Variants in MEIS1 observed in about 807,000 individuals in gnomAD.
MEIS1 encodes homeobox protein Meis1.
Under a neutral mutation model 50.8 loss-of-function variants are expected in MEIS1, and 5 were observed. The observed-to-expected ratio is 0.10, with a 90% CI of 0.05 to 0.21. The LOEUF (loss-of-function observed/expected upper bound fraction) is 0.21. Among genes scored for constraint, MEIS1 ranks in the 10% least tolerant of loss-of-function variants. MEIS1 has a pLI of 1.00. For missense variants in MEIS1, 318 were observed against 517.3 expected, an observed-to-expected ratio of 0.61 and a Z score of 3.74; for synonymous variants, 176 against 179.3, an observed-to-expected ratio of 0.98 and a Z score of 0.15.
chr2:66,492,220 C>T (rs1434997980), intron 7 of MEIS1, among the ~76,000 whole-genome samples: 1 of 151,716 alleles, frequency 6.6e-6, no homozygotes, highest in Non-Finnish European at 1.5e-5. Context: ...ATGAGACAGA[C>T]AGCTGACCAG....
intron 8 of MEIS1, among the ~76,000 whole-genome samples, chr2:66,536,379 C>G (rs529125030): frequency 6.6e-6 from 1 of 152,246 alleles, no homozygotes; most frequent in South Asian, 2.1e-4. Context: ...AGACAGGAAA[C>G]TGTTAGCTAA....
intron 6 of MEIS1, among the ~76,000 whole-genome samples, chr2:66,447,032 G>A (rs563283378): frequency 2.6e-5 from 4 of 152,370 alleles, no homozygotes; most frequent in African/African-American, 9.6e-5. Flanking sequence ...TTGCAAGGGA[G>A]ATTTAAGCTT....
chr2:66,524,590 T>TA (rs949523654), intron 8 of MEIS1, among the ~76,000 whole-genome samples: 6 of 150,068 alleles, frequency 4.0e-5, no homozygotes, highest in African/African-American at 7.3e-5. Context: ...TTTAAAAAAT[T>TA]AAAAAAAAAG....
At chr2:66,527,570 A>T (rs1250027964) in intron 8 of MEIS1, among the ~76,000 whole-genome samples, 3 of 149,218 alleles carry the variant, frequency 2.0e-5, no homozygotes, top group African/African-American at 5.0e-5. Flanking sequence ...TGGCTCTGAT[A>T]CCTGTATTGC....
Position 66,502,431 on chromosome 2 carries a change from G to T in MEIS1, c.743-9718G>T, listed in dbSNP as rs539529290. ...TACTTATTACTTTACCTAAAATTCT[G>T]CCATTTAAAGATTCACTCATTTGCA... On this transcript the variant is annotated intron_variant, in intron 7 of 12. Coordinates refer to ENST00000272369, the MANE Select transcript of MEIS1 (RefSeq NM_002398.3). Among the ~76,000 whole-genome samples, 6 of 152,252 alleles carry T rather than the reference G, an allele frequency of 3.9e-5. No homozygotes were observed. In the East Asian group the frequency reaches 1.2e-3, roughly 29 times the overall value.
At chr2:66,570,731 A>G (rs1251320463) in intron 12 of MEIS1, 1 of 153,136 alleles carries the variant, frequency 6.5e-6, no homozygotes, top group African/African-American at 2.4e-5. Context: ...AAATCATTAT[A>G]AGGTGGACAG....
At chr2:66,513,921 C>T (rs571561852) in intron 8 of MEIS1, among the ~76,000 whole-genome samples, 3 of 152,088 alleles carry the variant, frequency 2.0e-5, no homozygotes, top group Non-Finnish European at 4.4e-5. Context: ...TCATGAAAAA[C>T]GAATGATATG....
chr2:66,482,551 C>T (rs1189600279), intron 7 of MEIS1, among the ~76,000 whole-genome samples: 1 of 152,154 alleles, frequency 6.6e-6, no homozygotes, highest in East Asian at 1.9e-4. Flanking sequence ...AGAGAGAATA[C>T]AGAATGACAT....
At chr2:66,552,028 G>GACAC (rs71980656) in intron 9 of MEIS1, among the ~76,000 whole-genome samples, 6,195 of 147,236 alleles carry the variant, frequency 0.042, 281 homozygotes, top group African/African-American at 0.12. Flanking sequence ...CTTTATGGAA[G>GACAC]ACACACACAC....
chr2:66,451,086 G>A (rs1672266890), intron 6 of MEIS1, among the ~76,000 whole-genome samples: 1 of 152,074 alleles, frequency 6.6e-6, no homozygotes, highest in African/African-American at 2.4e-5. Flanking sequence ...GGAATGAATA[G>A]AGGCCAAAGT....
chr2:66,532,557 T>A (rs577205585), intron 8 of MEIS1, among the ~76,000 whole-genome samples: 134 of 152,122 alleles, frequency 8.8e-4, no homozygotes, highest in Non-Finnish European at 1.4e-3. Flanking sequence ...CCTGAGAGCA[T>A]CCATTATCAC....
chr2:66,443,127 CCTTTT>C, intron 6 of MEIS1, 79 bp downstream of exon 6: 1 of 1,435,112 alleles, frequency 7.0e-7, no homozygotes. Context: ...ACTACCACCT[CCTTTT>C]ATTATTTGCA....
chr2:66,532,514 T>C (rs188741089), intron 8 of MEIS1, among the ~76,000 whole-genome samples: 30 of 152,200 alleles, frequency 2.0e-4, no homozygotes, highest in Admixed American at 2.0e-3. Flanking sequence ...TTAGTGTGGG[T>C]TTCCACTGCA....
intron 7 of MEIS1, among the ~76,000 whole-genome samples, chr2:66,511,730 T>C (rs2103852998): frequency 6.6e-6 from 1 of 152,358 alleles, no homozygotes; most frequent in East Asian, 1.9e-4. Flanking sequence ...TAAATGAATC[T>C]TCTCACAAGT....
At chr2:66,467,370 G>T (rs867693004) in intron 7 of MEIS1, among the ~76,000 whole-genome samples, 5 of 152,130 alleles carry the variant, frequency 3.3e-5, no homozygotes, top group East Asian at 1.9e-4. Flanking sequence ...GCCGAGGTAG[G>T]GGGGGGTCAC....
chr2:66,480,080 CAAATG>C (rs1433204442), intron 7 of MEIS1, among the ~76,000 whole-genome samples: 1 of 152,000 alleles, frequency 6.6e-6, no homozygotes, highest in Non-Finnish European at 1.5e-5. Flanking sequence ...AAGAGGTAAG[CAAATG>C]ATTAGATATG....
intron 8 of MEIS1, among the ~76,000 whole-genome samples, chr2:66,544,007 TG>T (rs1488113662): frequency 6.6e-6 from 1 of 152,210 alleles, no homozygotes; most frequent in Non-Finnish European, 1.5e-5. Context: ...GTCCTTGAGA[TG>T]CAATAACAGC....
intron 9 of MEIS1, among the ~76,000 whole-genome samples, chr2:66,553,674 C>T (rs941622398): frequency 6.6e-6 from 1 of 152,198 alleles, no homozygotes; most frequent in African/African-American, 2.4e-5. Context: ...AAGAGTTCAA[C>T]AGAGACACTG....
chr2:66,447,149 C>T (rs1672171967), intron 6 of MEIS1, among the ~76,000 whole-genome samples: 1 of 152,112 alleles, frequency 6.6e-6, no homozygotes, highest in Non-Finnish European at 1.5e-5. Flanking sequence ...ATAGATAGGG[C>T]CAGCGAATAT....
Sources: allele counts gnomAD v4.1 joint callset (sites outside exome capture counted in the v4.1 genomes callset), GRCh38; gene constraint gnomAD v4.1.1; transcripts MANE v1.5; gene names NCBI Gene and HGNC (gene_info 2026-07-23, HGNC 2026-07-21).